FANCD2: variants seen among roughly 807,000 people sequenced by gnomAD.
The protein encoded by FANCD2 is FA complementation group D2, also known as Fanconi anemia group D2 protein.
Under a neutral mutation model 192.3 loss-of-function variants are expected in FANCD2, and 131 were observed. That is an observed-to-expected ratio of 0.68 (90% CI 0.59 to 0.79). The LOEUF (loss-of-function observed/expected upper bound fraction) is 0.79, where lower values mean the gene tolerates loss of function less well. Among genes scored for constraint, FANCD2 ranks in the 30% least tolerant of loss-of-function variants. The pLI is 0.00. For synonymous variants in FANCD2, 524 were observed against 612.5 expected (o/e 0.86, Z 2.13); for missense variants, 1,508 against 1,701.6 (o/e 0.89, Z 2.00).
At chr3:10,032,251 G>A in intron 2 of FANCD2, 1 of 371,548 alleles carries the variant, frequency 2.7e-6, no homozygotes, top group East Asian at 8.5e-5. Context: ...AAACATTTCT[G>A]TGGGTTATTC....
At chr3:10,035,658 T>C (rs1320531812) in intron 6 of FANCD2, among the ~76,000 whole-genome samples, 1 of 152,166 alleles carries the variant, frequency 6.6e-6, no homozygotes, top group Admixed American at 6.6e-5. Context: ...GTTATACAAA[T>C]GTATATAGAG....
chr3:10,085,969 A>G (rs372015176), intron 33 of FANCD2, 47 bp downstream of exon 33: 48 of 1,328,578 alleles, frequency 3.6e-5, no homozygotes, highest in Middle Eastern at 1.8e-4. Flanking sequence ...AGAAACTCCT[A>G]GGAACAGGAT....
chr3:10,063,738 G>A, intron 20 of FANCD2, 54 bp from the exon 21 acceptor site: 1 of 1,612,802 alleles, frequency 6.2e-7, no homozygotes, highest in South Asian at 1.1e-5. Context: ...GGCGAGTGGA[G>A]TTTGGGAAAG....
intron 30 of FANCD2, among the ~76,000 whole-genome samples, chr3:10,078,555 C>A (rs1018567557): frequency 1.3e-5 from 2 of 151,778 alleles, no homozygotes; most frequent in Admixed American, 1.3e-4. Context: ...GGGGTTTCAC[C>A]GTGTTAGCCA....
intron 35 of FANCD2, 40 bp from the exon 36 acceptor site, chr3:10,088,788 T>G (rs1471159435): frequency 6.2e-7 from 1 of 1,609,986 alleles, no homozygotes; most frequent in Non-Finnish European, 8.5e-7. Flanking sequence ...TGTATTCTAC[T>G]TTGTTAATTA....
intron 20 of FANCD2, 80 bp downstream of exon 20, chr3:10,062,291 A>G (rs2087593938): frequency 8.7e-7 from 1 of 1,154,592 alleles, no homozygotes; most frequent in South Asian, 1.3e-5. Flanking sequence ...CCCAACCTGC[A>G]GTGCAGTGGC....
At chr3:10,040,743 T>C (rs1168668310) in intron 9 of FANCD2, 5 of 351,810 alleles carry the variant, frequency 1.4e-5, no homozygotes, top group Non-Finnish European at 2.8e-5. Context: ...CTTCCTTTTG[T>C]ATAGTTGTCT....
chr3:10,036,943 C>T (rs2086746076), intron 7 of FANCD2, among the ~76,000 whole-genome samples: 2 of 151,938 alleles, frequency 1.3e-5, no homozygotes, highest in Admixed American at 1.3e-4. Flanking sequence ...TTAAGTGATC[C>T]TCACACCTCA....
At chr3:10,086,329 A>G (rs1368338649) in intron 33 of FANCD2, among the ~76,000 whole-genome samples, 1 of 152,222 alleles carries the variant, frequency 6.6e-6, no homozygotes, top group South Asian at 2.1e-4. Flanking sequence ...AGGGGTAGGC[A>G]GTGGACAAGG....
At chr3:10,093,202 C>T in intron 38 of FANCD2, 83 bp from the exon 39 acceptor site, 1 of 1,004,036 alleles carries the variant, frequency 1.0e-6, no homozygotes, top group Non-Finnish European at 1.6e-6. Context: ...GCACCCAAAG[C>T]TGTGCTTTGC....
At chr3:10,100,057 G>A (rs181877289) in intron 43 of FANCD2, among the ~76,000 whole-genome samples, 4 of 151,870 alleles carry the variant, frequency 2.6e-5, no homozygotes, top group South Asian at 2.1e-4. Context: ...GCATGGTGAC[G>A]CATGCCTGTG....
intron 18 of FANCD2, among the ~76,000 whole-genome samples, chr3:10,054,762 C>T (rs568114661): frequency 6.5e-4 from 98 of 151,424 alleles, no homozygotes; most frequent in Admixed American, 2.4e-3. Flanking sequence ...GGATTACAGG[C>T]CTGAGCCACC....
At chr3:10,073,999 G>A (rs1006936986) in intron 28 of FANCD2, among the ~76,000 whole-genome samples, 22 of 152,208 alleles carry the variant, frequency 1.4e-4, no homozygotes, top group African/African-American at 4.8e-4. Flanking sequence ...AGGCTGGAGT[G>A]CAGTGGCACG....
rs1011444431 is a variant in FANCD2 at position 10,090,478 on chromosome 3, C to T, written c.3777+93C>T. ...TTTTTTTTTTTTTTTTTTTCTGAGA[C>T]AGAGTCTTGCTTGTTCTGTTGCCCA... On this transcript the variant is annotated intron_variant, in intron 37 of 43. Transcript: ENST00000675286. 1.7e-5 allele frequency: 12 copies of T among 696,478 alleles called. No individual in the cohort carries two copies. The African/African-American group carries it at 2.7e-4, about 16-fold the overall frequency. 43.1% of individuals were successfully genotyped at this position (696,478 alleles called of 1,614,324 possible).
intron 20 of FANCD2, among the ~76,000 whole-genome samples, chr3:10,063,484 G>T (rs1477479943): frequency 1.3e-5 from 2 of 152,188 alleles, no homozygotes; most frequent in Non-Finnish European, 1.5e-5. Flanking sequence ...AGAGAGCCTT[G>T]CATGTAAAGC....
chr3:10,078,015 AAG>A (rs773789154), intron 29 of FANCD2, 64 bp from the exon 30 acceptor site: 144 of 1,189,514 alleles, frequency 1.2e-4, no homozygotes, highest in Admixed American at 2.5e-4. Context: ...ACAAAAAAGA[AAG>A]AAAAAAAATT....
intron 36 of FANCD2, among the ~76,000 whole-genome samples, chr3:10,089,296 AG>A (rs1195204419): frequency 3.3e-5 from 5 of 151,974 alleles, no homozygotes; most frequent in Admixed American, 3.3e-4. Context: ...AAAAAAAAAA[AG>A]AATCATAATC....
intron 10 of FANCD2, among the ~76,000 whole-genome samples, 195 bp downstream of exon 10, chr3:10,041,905 G>GTT (rs372639953): frequency 1.3e-4 from 18 of 138,484 alleles, no homozygotes; most frequent in African/African-American, 2.4e-4. Context: ...TCACAGGTCT[G>GTT]TTTTTTTTTT....
At chr3:10,060,214 T>C in intron 18 of FANCD2, 80 bp from the exon 19 acceptor site, 1 of 931,540 alleles carries the variant, frequency 1.1e-6, no homozygotes, top group Non-Finnish European at 1.7e-6. Flanking sequence ...CTTTATAGTC[T>C]AGCTATATGG....
Sources: gnomAD v4.1 joint callset for allele counts (sites outside exome capture counted in the v4.1 genomes callset) on GRCh38, gnomAD v4.1.1 for gene constraint, MANE v1.5 for transcripts, NCBI Gene and HGNC (gene_info 2026-07-23, HGNC 2026-07-21) for gene names.